SLC16A7: variants seen among roughly 807,000 people sequenced by gnomAD.
The protein encoded by SLC16A7 is solute carrier family 16 member 7, also known as monocarboxylate transporter 2.
In SLC16A7, 33 loss-of-function variants were observed where a neutral mutation model predicts 34.9. That is an observed-to-expected ratio of 0.94 (90% CI 0.72 to 1.26). The LOEUF (loss-of-function observed/expected upper bound fraction) is 1.26, where lower values mean the gene tolerates loss of function less well. SLC16A7 is among the 50% of genes most tolerant of loss of function. SLC16A7 has a pLI of 0.00. For missense variants in SLC16A7, 573 were observed against 578.1 expected (o/e 0.99, Z 0.09); for synonymous variants, 201 against 206.6 (o/e 0.97, Z 0.23).
intron 1 of SLC16A7, among the ~76,000 whole-genome samples, chr12:59,615,163 C>G (rs939548406): frequency 3.9e-5 from 6 of 152,116 alleles, no homozygotes; most frequent in Non-Finnish European, 7.4e-5. Context: ...GACAGGGCCT[C>G]TCACCAGATT....
rs1030878497 is a variant in SLC16A7, at chr12:59,785,734, T to A, written c.*6055T>A. On this transcript the variant is annotated 3_prime_UTR_variant, in exon 6 of 6. Coordinates refer to ENST00000547379, the MANE Select transcript of SLC16A7 (RefSeq NM_001270623.2). The stretch of plus-strand genomic sequence containing the variant: ...TATTTCAGTAGGCAATTAATGATCA[T>A]AAATTTATTCACATTTCAGTAAATA... 1.3e-5 allele frequency: 2 copies of A among 152,160 alleles called. No homozygotes were observed. The highest frequency in any genetic ancestry group is 2.4e-5 in the African/African-American group (1 of 41,446). 9.4% of individuals were successfully genotyped at this position (152,160 alleles called of 1,614,324 possible). A position where few individuals can be genotyped will look rare whatever the true frequency, so the allele number is the denominator to read the frequency against.
In SLC16A7 at chr12:59,788,058, T is replaced by C. The variant is rs1190217726; in HGVS notation, c.*8379T>C. 1 of 152,194 alleles carries C rather than the reference T, an allele frequency of 6.6e-6. No individual in the cohort carries two copies. Among genetic ancestry groups the C allele is most frequent in the Non-Finnish European group, 1.5e-5 (1 of 68,032 alleles). 9.4% of individuals were successfully genotyped at this position (152,194 alleles called of 1,614,324 possible). On this transcript the variant is annotated 3_prime_UTR_variant, in exon 6 of 6. Coordinates refer to ENST00000547379, the MANE Select transcript of SLC16A7 (RefSeq NM_001270623.2). ...TATTTTAAACCAGTATGTTAATTAT[T>C]TCCTAGAATGAATAATTCTCCTTTT...
chr12:59,631,309 A>G (rs900687531), intron 1 of SLC16A7, among the ~76,000 whole-genome samples: 5 of 151,966 alleles, frequency 3.3e-5, no homozygotes, highest in Non-Finnish European at 7.4e-5. Context: ...CAAGTCAGTT[A>G]TCTACAGAAG....
intron 1 of SLC16A7, among the ~76,000 whole-genome samples, chr12:59,612,013 A>G (rs1879216949): frequency 6.6e-6 from 1 of 152,124 alleles, no homozygotes; most frequent in East Asian, 1.9e-4. Context: ...CTGTCAGTGG[A>G]TCTACAATTC....
At position 59,681,220 on chromosome 12, in the gene SLC16A7, C is replaced by A. The variant is rs994846160; in HGVS notation, c.-30-23552C>A. Among the ~76,000 whole-genome samples, 5 of 152,268 alleles carry A rather than the reference C, an allele frequency of 3.3e-5. No individual in the cohort carries two copies. The East Asian group carries it at 9.7e-4, about 29-fold the overall frequency. ...AGCATCAGTTCTTAATCACCTATCC[C>A]CTGGAACCTCAAATTTTCCTGCAGG... On this transcript the variant is annotated intron_variant, in intron 2 of 5. Transcript: ENST00000547379.
At chr12:59,769,666 A>AT (rs534870158) in intron 3 of SLC16A7, among the ~76,000 whole-genome samples, 8 of 152,110 alleles carry the variant, frequency 5.3e-5, no homozygotes, top group African/African-American at 1.7e-4. Context: ...TTAATTTTAA[A>AT]TTTTTTTGCA....
At chr12:59,758,519 AATTC>A (rs1565702264) in intron 3 of SLC16A7, among the ~76,000 whole-genome samples, 1 of 152,130 alleles carries the variant, frequency 6.6e-6, no homozygotes, top group African/African-American at 2.4e-5. Context: ...CAATCATAAT[AATTC>A]ATAACACAAA....
intron 2 of SLC16A7, among the ~76,000 whole-genome samples, chr12:59,691,592 A>C: frequency 6.6e-6 from 1 of 151,964 alleles, no homozygotes; most frequent in East Asian, 1.9e-4. Flanking sequence ...CATGTTGCTC[A>C]GATTGCTCTG....
rs762787676 is a variant in SLC16A7, at chr12:59,774,712, C to A, written c.417C>A (p.Phe139Leu). The A allele has an allele frequency of 6.2e-7, 1 of 1,612,070 alleles. No homozygotes were observed. The highest frequency in any genetic ancestry group is 1.7e-5 in the Admixed American group (1 of 59,582). ...QPALTIIGKY[F>L]YRKRPMANGL... ...CCTTAACCATAATTGGCAAATACTT[C>A]TATAGGAAGCGACCCATGGCAAATG... Residue 139 changes from phenylalanine (F) to leucine (L), a missense_variant, in exon 5 of 6, where the codon TTC (phenylalanine) becomes TTA (leucine). Coordinates refer to ENST00000547379, the MANE Select transcript of SLC16A7 (RefSeq NM_001270623.2).
At chr12:59,646,051 A>G (rs982798370) in intron 1 of SLC16A7, among the ~76,000 whole-genome samples, 2 of 152,222 alleles carry the variant, frequency 1.3e-5, no homozygotes, top group Non-Finnish European at 1.5e-5. Flanking sequence ...TAAGTAGAGC[A>G]TAAAAGTTTG....
rs1883462960 is a variant in SLC16A7, at chr12:59,784,289, T to A, written c.*4610T>A. 6.6e-6 allele frequency: 1 copy of A among 152,114 alleles called. No homozygotes were observed. Among genetic ancestry groups the A allele is most frequent in the South Asian group, 2.1e-4 (1 of 4,826 alleles). The allele number at this position is 152,114 out of a possible 1,614,324, so 9.4% of individuals were successfully genotyped here. A position where few individuals can be genotyped will look rare whatever the true frequency, so the allele number is the denominator to read the frequency against. The stretch of plus-strand genomic sequence containing the variant: ...GGGAGGCTGAGACGAGAGGGTCATT[T>A]GAGCCCAGGAAGTTGAGGCTTCAGT... On this transcript the variant is annotated 3_prime_UTR_variant, in exon 6 of 6. Transcript: ENST00000547379.
At chr12:59,599,300 A>G (rs1878572958) in intron 1 of SLC16A7, among the ~76,000 whole-genome samples, 1 of 152,176 alleles carries the variant, frequency 6.6e-6, no homozygotes. Flanking sequence ...GAAATCCAGC[A>G]TGAACTCTGC....
At chr12:59,681,308 C>T (rs750036501) in intron 2 of SLC16A7, among the ~76,000 whole-genome samples, 4 of 152,226 alleles carry the variant, frequency 2.6e-5, no homozygotes, top group Non-Finnish European at 4.4e-5. Flanking sequence ...CCTGGGCATC[C>T]ATGCACTGTC....
intron 3 of SLC16A7, among the ~76,000 whole-genome samples, chr12:59,738,151 T>TAA (rs982701879): frequency 2.0e-5 from 3 of 152,186 alleles, no homozygotes; most frequent in Admixed American, 6.5e-5. Context: ...GTCTAAACTA[T>TAA]TTTGCCCAGC....
At chr12:59,675,895 G>T (rs1300275081) in intron 2 of SLC16A7, among the ~76,000 whole-genome samples, 4 of 151,922 alleles carry the variant, frequency 2.6e-5, no homozygotes, top group Non-Finnish European at 5.9e-5. Flanking sequence ...TACTAGTTTT[G>T]CAGCTATTGC....
chr12:59,673,544 C>T (rs936775265), intron 2 of SLC16A7, among the ~76,000 whole-genome samples: 5 of 151,494 alleles, frequency 3.3e-5, no homozygotes, highest in Non-Finnish European at 7.4e-5. Flanking sequence ...AAATATTTCA[C>T]ATGAGCACTT....
At chr12:59,771,932 T>A (rs1882275842) in intron 4 of SLC16A7, among the ~76,000 whole-genome samples, 1 of 152,178 alleles carries the variant, frequency 6.6e-6, no homozygotes. Flanking sequence ...CACACTTTCT[T>A]CTAACACAAA....
At chr12:59,694,900 G>A (rs1185587327) in intron 2 of SLC16A7, among the ~76,000 whole-genome samples, 17 of 152,086 alleles carry the variant, frequency 1.1e-4, no homozygotes, top group Non-Finnish European at 4.4e-5. Flanking sequence ...CTGTCAAGCA[G>A]AGTCTTCCTG....
chr12:59,619,739 C>G (rs986782956), intron 1 of SLC16A7, among the ~76,000 whole-genome samples: 1 of 151,758 alleles, frequency 6.6e-6, no homozygotes, highest in Non-Finnish European at 1.5e-5. Flanking sequence ...TTGGCATGTG[C>G]AAGTGGAATA....
Sources: allele counts gnomAD v4.1 joint callset (sites outside exome capture counted in the v4.1 genomes callset), GRCh38; gene constraint gnomAD v4.1.1; transcripts MANE v1.5; gene names NCBI Gene and HGNC (gene_info 2026-07-23, HGNC 2026-07-21).